The following CGREF1 variants were observed in gnomAD, a reference collection of about 807,000 sequenced individuals.
CGREF1 encodes cell growth regulator with EF hand domain protein 1.
CGREF1 carries 16 observed loss-of-function variants against 17.4 expected under a neutral mutation model. That is an observed-to-expected ratio of 0.92 (90% CI 0.62 to 1.40). CGREF1 has a LOEUF of 1.40. CGREF1 is among the 40% of genes most tolerant of loss of function. The pLI is 0.00. For missense variants in CGREF1, 296 were observed against 376.4 expected, an observed-to-expected ratio of 0.79 and a Z score of 1.77; for synonymous variants, 142 against 154.6, an observed-to-expected ratio of 0.92 and a Z score of 0.61.
chr2:27,100,829 C>T lies in CGREF1; in HGVS notation c.*445G>A. 2.2e-5 allele frequency: 24 copies of T among 1,107,102 alleles called. No homozygotes were observed. The highest frequency in any genetic ancestry group is 2.5e-5 in the Non-Finnish European group (23 of 902,266). 68.6% of individuals were successfully genotyped at this position (1,107,102 alleles called of 1,614,324 possible). A position where few individuals can be genotyped will look rare whatever the true frequency, so the allele number is the denominator to read the frequency against. On this transcript the variant is annotated 3_prime_UTR_variant, in exon 6 of 6. Coordinates refer to ENST00000402394, the MANE Select transcript of CGREF1 (RefSeq NM_006569.6). Reference sequence around the variant, plus strand: ...GGATGGGGTCACCTGCCCTGAGCTGCAGGAGAGCATGGGGTGTCTGAACAC... The same window carrying T: ...GGATGGGGTCACCTGCCCTGAGCTGTAGGAGAGCATGGGGTGTCTGAACAC...
intron 1 of CGREF1, among the ~76,000 whole-genome samples, chr2:27,118,373 T>G (rs1444244526): frequency 6.6e-6 from 1 of 152,158 alleles, no homozygotes; most frequent in African/African-American, 2.4e-5. Context: ...CTGGTGCCCT[T>G]GTGCCTCCCA....
downstream of CGREF1, chr2:27,099,919 G>C: frequency 1.4e-6 from 2 of 1,456,022 alleles, no homozygotes; most frequent in Non-Finnish European, 1.9e-6. Context: ...GCTCTGGGGG[G>C]ATGGCTGGGG....
At chr2:27,116,139 G>T (rs1225082199) in intron 1 of CGREF1, among the ~76,000 whole-genome samples, 1 of 150,046 alleles carries the variant, frequency 6.7e-6, no homozygotes, top group Non-Finnish European at 1.5e-5. Context: ...GATGCAGGAG[G>T]ATCACTTCAG....
At chr2:27,108,260 T>C (rs1671213088) in intron 1 of CGREF1, among the ~76,000 whole-genome samples, 1 of 151,762 alleles carries the variant, frequency 6.6e-6, no homozygotes, top group South Asian at 2.1e-4. Context: ...CTTAAAAAAA[T>C]AAATAAAATA....
intron 1 of CGREF1, among the ~76,000 whole-genome samples, chr2:27,111,605 G>A (rs1360496786): frequency 6.6e-6 from 1 of 152,220 alleles, no homozygotes; most frequent in Non-Finnish European, 1.5e-5. Flanking sequence ...AGGAGCCCAC[G>A]GCAGTGGGGA....
Position 27,101,680 on chromosome 2 carries a change from G to T in CGREF1, c.551C>A (p.Ala184Asp), listed in dbSNP as rs573833624. 2 of 1,614,240 alleles carry T rather than the reference G, an allele frequency of 1.2e-6. No individual in the cohort carries two copies. Among genetic ancestry groups the T allele is most frequent in the Non-Finnish European group, 1.7e-6 (2 of 1,180,042 alleles). The change falls in exon 6 of 6, where the codon GCC becomes GAC. Residue 184 changes from alanine to aspartate, a missense_variant. Ala to Asp is a moderately radical substitution (Grantham distance 126, BLOSUM62 -2). This residue lies in a region of CGREF1 where 247 missense variants were observed against 267.2 expected (regional missense o/e 0.92). Coordinates refer to ENST00000402394, the MANE Select transcript of CGREF1 (RefSeq NM_006569.6). The part of the protein sequence containing the change: ...KSPLRQETQE[A>D]PGPREEAKGQ... ...CTTTGCTTCTTCTCTGGGACCAGGG[G>T]CTTCCTGTGTTTCTTGTCTTAATGG...
intron 1 of CGREF1, among the ~76,000 whole-genome samples, chr2:27,106,797 T>TA (rs2148387657): frequency 6.6e-6 from 1 of 152,238 alleles, no homozygotes; most frequent in East Asian, 1.9e-4. Context: ...TTTGTATTTT[T>TA]ACTAGAGACA....
At chr2:27,106,172 T>C (rs1280181247) in intron 1 of CGREF1, among the ~76,000 whole-genome samples, 1 of 152,210 alleles carries the variant, frequency 6.6e-6, no homozygotes, top group East Asian at 1.9e-4. Flanking sequence ...TAATAGTAAA[T>C]GTCCCAATGA....
At chr2:27,099,684 A>G, downstream of CGREF1, 1 of 1,614,154 alleles carries the variant, frequency 6.2e-7, no homozygotes, top group Non-Finnish European at 8.5e-7. Context: ...TGCAGGAAGC[A>G]CTGAGATTCG....
chr2:27,101,759 G>C lies in CGREF1; in HGVS notation c.472C>G (p.Pro158Ala), dbSNP rs1244339608. The C allele has an allele frequency of 6.2e-7, 1 of 1,614,114 alleles. No homozygotes were observed. Among genetic ancestry groups the C allele is most frequent in the East Asian group, 2.2e-5 (1 of 44,896 alleles). ...RHVEPGEPLA[P>A]SPQEPQAVGR... ...ACAGCTTGTGGCTCCTGAGGAGATG[G>C]AGCAAGGGGCTCTCCGGGCTCCACG... Residue 158 changes from proline (P) to alanine (A), a missense_variant, in exon 6 of 6, where the codon CCA (proline) becomes GCA (alanine). By Grantham distance (27) the Pro-to-Ala change is conservative (BLOSUM62 -1). Transcript: ENST00000402394.
chr2:27,116,923 C>CTCTTT (rs1259106800), intron 1 of CGREF1, among the ~76,000 whole-genome samples: 1 of 53,016 alleles, frequency 1.9e-5, no homozygotes, highest in African/African-American at 9.7e-5. Context: ...CTCTCTCTCT[C>CTCTTT]TTTTTTTGAG....
At chr2:27,103,877 G>A (rs1477338671) in intron 2 of CGREF1, among the ~76,000 whole-genome samples, 2 of 152,102 alleles carry the variant, frequency 1.3e-5, no homozygotes, top group Non-Finnish European at 2.9e-5. Context: ...CAGCTACTCG[G>A]GAGGCTGAGG....
intron 1 of CGREF1, among the ~76,000 whole-genome samples, chr2:27,105,168 A>C (rs1177356083): frequency 1.3e-5 from 2 of 152,230 alleles, no homozygotes; most frequent in Non-Finnish European, 2.9e-5. Context: ...AGGTAGTGTG[A>C]GTTCCTGAGG....
intron 5 of CGREF1, 55 bp downstream of exon 5, chr2:27,102,042 A>T: frequency 6.4e-7 from 1 of 1,566,528 alleles, no homozygotes; most frequent in Non-Finnish European, 8.7e-7. Flanking sequence ...GAAAGACCAA[A>T]GCCCCAAAGT....
At chr2:27,113,804 T>A (rs2148397911) in intron 1 of CGREF1, among the ~76,000 whole-genome samples, 1 of 152,166 alleles carries the variant, frequency 6.6e-6, no homozygotes, top group South Asian at 2.1e-4. Flanking sequence ...CAAGAGTTCA[T>A]CTGCACGGCC....
At chr2:27,102,673 G>C (rs1670948941) in intron 2 of CGREF1, 82 bp from the exon 3 acceptor site, 1 of 1,441,952 alleles carries the variant, frequency 6.9e-7, no homozygotes, top group African/African-American at 1.4e-5. Flanking sequence ...CCAATCTCCT[G>C]GCAGTTTTCT....
chr2:27,106,681 A>G (rs987660915), intron 1 of CGREF1, among the ~76,000 whole-genome samples: 6 of 152,054 alleles, frequency 3.9e-5, no homozygotes, highest in South Asian at 2.1e-4. Context: ...CTGTGGCATG[A>G]TATCAGCTCA....
At chr2:27,100,277 C>G, downstream of CGREF1, 1 of 438,872 alleles carries the variant, frequency 2.3e-6, no homozygotes, top group South Asian at 1.9e-5. Context: ...CTGAGCTGAA[C>G]TGACAGGCCA....
chr2:27,101,825 G>A lies in CGREF1; in HGVS notation c.406C>T (p.Pro136Ser), dbSNP rs1670872897. 1.2e-6 allele frequency: 2 copies of A among 1,614,008 alleles called. No individual in the cohort carries two copies. The highest frequency in any genetic ancestry group is 8.5e-7 in the Non-Finnish European group (1 of 1,180,034). Residue 136 changes from proline (P) to serine (S), a missense_variant, in exon 6 of 6, where the codon CCT (proline) becomes TCT (serine). By Grantham distance (74) the Pro-to-Ser change is moderately conservative. Coordinates refer to ENST00000402394, the MANE Select transcript of CGREF1 (RefSeq NM_006569.6). ...QDLNGDGLMT[P>S]AELINFPGVA... Reference sequence around the variant, plus strand: ...CCCGGGAAGTTGATGAGCTCAGCAGGGGTCATGAGCCCATCCCCATTCAGG... The same window carrying A: ...CCCGGGAAGTTGATGAGCTCAGCAGAGGTCATGAGCCCATCCCCATTCAGG...
Sources: allele counts gnomAD v4.1 joint callset (sites outside exome capture counted in the v4.1 genomes callset), GRCh38; gene constraint gnomAD v4.1.1; regional missense constraint gnomAD v4.1.1; transcripts MANE v1.5; gene names NCBI Gene and HGNC (gene_info 2026-07-23, HGNC 2026-07-21).